Variants in GNG4 observed in about 807,000 individuals in gnomAD.
The protein encoded by GNG4 is G protein subunit gamma 4, also known as guanine nucleotide-binding protein G(I)/G(S)/G(O) subunit gamma-4.
A neutral mutation model predicts 5.8 loss-of-function variants in GNG4; 4 were observed. The ratio of observed to expected loss-of-function variants is 0.69; its 90% CI spans 0.34 to 1.57. The LOEUF is 1.57. GNG4 is among the 40% of genes most tolerant of loss of function. The probability of loss-of-function intolerance (pLI) is 0.06; values close to 1 mark genes in which losing one functional copy is unlikely to be tolerated. For missense variants in GNG4, 96 were observed against 95.1 expected, an observed-to-expected ratio of 1.01 and a Z score of -0.04; for synonymous variants, 29 against 32.9, an observed-to-expected ratio of 0.88 and a Z score of 0.41.
Position 235,552,005 on chromosome 1 carries a change from G to T in GNG4, c.*104C>A. The T allele has an allele frequency of 3.3e-6, 3 of 921,358 alleles. No homozygotes were observed. Among genetic ancestry groups the T allele is most frequent in the South Asian group, 1.6e-5 (1 of 61,814 alleles). The allele number at this position is 921,358 out of a possible 1,614,324, so 57.1% of individuals were successfully genotyped here. On this transcript the variant is annotated 3_prime_UTR_variant, in exon 4 of 4. Coordinates refer to ENST00000391854, the MANE Select transcript of GNG4 (RefSeq NM_001098722.2). ...GACAAGCCCCGGCCACTGTTGGCTG[G>T]GCAGGGATGGGTGTTGGTCTCACTC...
intron 2 of GNG4, among the ~76,000 whole-genome samples, chr1:235,588,712 C>A (rs1262454385): frequency 6.6e-6 from 1 of 152,060 alleles, no homozygotes; most frequent in Admixed American, 6.6e-5. Context: ...CCTTCATCCT[C>A]TTCTTCCAGT....
chr1:235,568,147 A>G (rs1687245572), intron 3 of GNG4, among the ~76,000 whole-genome samples: 1 of 118,476 alleles, frequency 8.4e-6, no homozygotes, highest in Non-Finnish European at 1.6e-5. Flanking sequence ...TTTCCTTCTA[A>G]TAAATCTGCT....
intron 1 of GNG4, among the ~76,000 whole-genome samples, chr1:235,613,308 T>C (rs922530796): frequency 2.6e-5 from 4 of 152,130 alleles, no homozygotes; most frequent in Admixed American, 2.6e-4. Context: ...TCTTAACTGG[T>C]TTACAGGGTG....
intron 1 of GNG4, among the ~76,000 whole-genome samples, chr1:235,611,173 T>G (rs116319713): frequency 6.9e-6 from 1 of 145,850 alleles, no homozygotes; most frequent in Admixed American, 6.9e-5. Context: ...CTCTCTCTCT[T>G]TTTTTTTTTT....
intron 2 of GNG4, among the ~76,000 whole-genome samples, chr1:235,587,715 T>TGGG: frequency 1.3e-5 from 1 of 76,926 alleles, no homozygotes; most frequent in Non-Finnish European, 2.8e-5. Flanking sequence ...TGTGAGGGTG[T>TGGG]GTGTGGGTGT....
chr1:235,576,060 CTTTTT>C (rs58409885), intron 3 of GNG4, among the ~76,000 whole-genome samples: 3 of 112,944 alleles, frequency 2.7e-5, no homozygotes, highest in African/African-American at 3.4e-5. Context: ...CATATATGTA[CTTTTT>C]TTTTTTTTTT....
chr1:235,607,290 T>A (rs1688383540), intron 1 of GNG4, among the ~76,000 whole-genome samples: 1 of 151,944 alleles, frequency 6.6e-6, no homozygotes, highest in South Asian at 2.1e-4. Context: ...CTTTTCAGAT[T>A]TGTGGAGGTA....
intron 3 of GNG4, among the ~76,000 whole-genome samples, chr1:235,555,770 G>A (rs147473548): frequency 0.01 from 1,565 of 151,870 alleles, 13 homozygotes; most frequent in East Asian, 0.029. Context: ...GTTTTGATAC[G>A]TGTATACATT....
intron 2 of GNG4, among the ~76,000 whole-genome samples, chr1:235,589,998 G>A (rs1369935231): frequency 6.6e-6 from 1 of 152,066 alleles, no homozygotes; most frequent in Non-Finnish European, 1.5e-5. Context: ...CTCCCCAAGG[G>A]ATCTGCCCTA....
intron 2 of GNG4, among the ~76,000 whole-genome samples, chr1:235,593,023 A>C (rs898340370): frequency 1.3e-5 from 2 of 148,182 alleles, no homozygotes; most frequent in South Asian, 2.1e-4. Context: ...ATCTCTGCTC[A>C]CTGCAACATC....
At chr1:235,609,252 A>G (rs1688427701) in intron 1 of GNG4, among the ~76,000 whole-genome samples, 1 of 151,754 alleles carries the variant, frequency 6.6e-6, no homozygotes, top group African/African-American at 2.4e-5. Context: ...CATTTAGTTT[A>G]TCGGCCCATC....
intron 3 of GNG4, among the ~76,000 whole-genome samples, chr1:235,567,825 T>C (rs116651252): frequency 0.013 from 2,027 of 152,320 alleles, 50 homozygotes; most frequent in African/African-American, 0.047. Flanking sequence ...AGTCTATTCA[T>C]AGGTGATACA....
Position 235,595,900 on chromosome 1 carries a change from C to T in GNG4, c.-122-389G>A, listed in dbSNP as rs890418094. 6.9e-5 allele frequency among the ~76,000 whole-genome samples: 10 copies of T among 144,264 alleles called. No homozygotes were observed. The South Asian group carries it at 1.3e-3, about 18-fold the overall frequency. The allele number at this position is 144,264 out of a possible 152,430, so 94.6% of individuals were successfully genotyped here. ...ATAAAAATATACACTTGGGGCCGGGCGCGGTGGCTCATGCCTGTAATCCCA... is the reference window on the plus strand; with the variant it reads ...ATAAAAATATACACTTGGGGCCGGGTGCGGTGGCTCATGCCTGTAATCCCA... On this transcript the variant is annotated intron_variant, in intron 1 of 3. Coordinates refer to ENST00000391854, the MANE Select transcript of GNG4 (RefSeq NM_001098722.2).
rs1455131408 is a variant in GNG4 at position 235,642,397 on chromosome 1, A to T, written c.-123+7265T>A. On this transcript the variant is annotated intron_variant, in intron 1 of 3. Coordinates refer to ENST00000391854, the MANE Select transcript of GNG4 (RefSeq NM_001098722.2). This position sits in a 1 kb window ranked among gnomAD's most constrained non-coding sequence, Gnocchi z 4.3. ...CTCTCGAATAGAGACCCACGCACGG[A>T]AGGATGATACACTGTGATTCCCCGA... Among the ~76,000 whole-genome samples, 2 of 152,230 alleles carry T rather than the reference A, an allele frequency of 1.3e-5. No individual in the cohort carries two copies. The highest frequency in any genetic ancestry group is 4.8e-5 in the African/African-American group (2 of 41,458).
intron 3 of GNG4, among the ~76,000 whole-genome samples, chr1:235,576,179 G>A (rs1255119228): frequency 1.3e-5 from 2 of 150,092 alleles, no homozygotes; most frequent in African/African-American, 4.9e-5. Context: ...CCTTGCCTCA[G>A]CCTCCCAAGT....
chr1:235,615,897 G>A (rs1029323384), intron 1 of GNG4: 38 of 284,286 alleles, frequency 1.3e-4, no homozygotes, highest in African/African-American at 8.2e-4. Flanking sequence ...AGGCTCCCCA[G>A]AGTGCCTGCT....
At chr1:235,552,273 G>T (rs369000336) in intron 3 of GNG4, 36 bp from the exon 4 acceptor site, 26 of 1,607,418 alleles carry the variant, frequency 1.6e-5, no homozygotes, top group Middle Eastern at 3.3e-4. Context: ...TCAGTTAAAG[G>T]CCCCTTTGCA....
intron 1 of GNG4, among the ~76,000 whole-genome samples, chr1:235,634,225 G>A (rs1688986066): frequency 1.3e-5 from 2 of 152,352 alleles, no homozygotes; most frequent in African/African-American, 2.4e-5. Flanking sequence ...TCTGGGGCCA[G>A]TGGCACGGGC....
intron 3 of GNG4, among the ~76,000 whole-genome samples, chr1:235,554,623 C>G (rs531008921): frequency 6.6e-6 from 1 of 152,116 alleles, no homozygotes; most frequent in Non-Finnish European, 1.5e-5. Flanking sequence ...GCGGGTGGAT[C>G]GCCTGAGGTC....
Sources: gnomAD v4.1 joint callset for allele counts (sites outside exome capture counted in the v4.1 genomes callset) on GRCh38, gnomAD v4.1.1 for gene constraint, Gnocchi (gnomAD v3.1) non-coding constraint, MANE v1.5 for transcripts, NCBI Gene and HGNC (gene_info 2026-07-23, HGNC 2026-07-21) for gene names.